The following VPS45 variants were observed in gnomAD, a reference collection of about 807,000 sequenced individuals.
The protein encoded by VPS45 is vacuolar protein sorting-associated protein 45.
A neutral mutation model predicts 75.9 loss-of-function variants in VPS45; 35 were observed. That is an observed-to-expected ratio of 0.46 (90% CI 0.35 to 0.61). VPS45 has a LOEUF of 0.61. Ranked by LOEUF, VPS45 falls within the 20% of genes least tolerant of loss-of-function variation. The pLI is 0.00. For synonymous variants in VPS45, 220 were observed against 238.2 expected, an observed-to-expected ratio of 0.92 and a Z score of 0.70; for missense variants, 559 against 685.9, an observed-to-expected ratio of 0.81 and a Z score of 2.07.
At chr1:150,132,097 G>A (rs925936918) in intron 14 of VPS45, among the ~76,000 whole-genome samples, 1 of 152,196 alleles carries the variant, frequency 6.6e-6, no homozygotes, top group Admixed American at 6.5e-5. Context: ...CATTAAGTCA[G>A]TGACAGACAC....
At chr1:150,131,067 G>C (rs1658806141) in intron 14 of VPS45, among the ~76,000 whole-genome samples, 1 of 152,170 alleles carries the variant, frequency 6.6e-6, no homozygotes, top group South Asian at 2.1e-4. Context: ...AGGCATCAGA[G>C]GGTGTAAGCG....
intron 10 of VPS45, among the ~76,000 whole-genome samples, chr1:150,088,476 T>G (rs1247611901): frequency 1.3e-4 from 2 of 15,816 alleles, no homozygotes; most frequent in Non-Finnish European, 3.7e-4. Context: ...TTCTTTTCCC[T>G]TTTTTCTTTT....
chr1:150,075,352 T>C (rs1269177101), intron 3 of VPS45, among the ~76,000 whole-genome samples: 1 of 152,116 alleles, frequency 6.6e-6, no homozygotes, highest in Non-Finnish European at 1.5e-5. Context: ...GTTTAACATG[T>C]TCCTTGAAGT....
chr1:150,102,422 G>A (rs781825383), intron 13 of VPS45, among the ~76,000 whole-genome samples: 1 of 152,014 alleles, frequency 6.6e-6, no homozygotes, highest in South Asian at 2.1e-4. Context: ...GTTGGTGCAT[G>A]CCTGTAATCT....
At chr1:150,102,105 G>A (rs1438413436) in intron 13 of VPS45, among the ~76,000 whole-genome samples, 1 of 151,628 alleles carries the variant, frequency 6.6e-6, no homozygotes. Context: ...AGGCATGGTG[G>A]CAGGTGCCTG....
chr1:150,091,852 C>A, intron 10 of VPS45, 85 bp from the exon 11 acceptor site: 2 of 1,244,240 alleles, frequency 1.6e-6, no homozygotes, highest in South Asian at 1.5e-5. Context: ...GTATCACTAC[C>A]ATTCAATAAT....
chr1:150,082,470 C>T (rs1168009931), intron 9 of VPS45, among the ~76,000 whole-genome samples: 2 of 150,930 alleles, frequency 1.3e-5, no homozygotes, highest in Non-Finnish European at 2.9e-5. Flanking sequence ...GCCAAGATCA[C>T]GCCACTACAC....
At chr1:150,120,785 C>T (rs1658189804) in intron 14 of VPS45, among the ~76,000 whole-genome samples, 2 of 151,710 alleles carry the variant, frequency 1.3e-5, no homozygotes, top group Middle Eastern at 3.4e-3. Flanking sequence ...ATTTAAACAC[C>T]ATTTAAAATA....
At chr1:150,077,014 C>A (rs960769296) in intron 5 of VPS45, 30 bp downstream of exon 5, 2 of 1,613,604 alleles carry the variant, frequency 1.2e-6, no homozygotes, top group Admixed American at 3.3e-5. Context: ...ATTTATCAGT[C>A]GAGAGTTAAT....
chr1:150,110,415 G>T, intron 13 of VPS45, 81 bp from the exon 14 acceptor site: 7 of 1,326,144 alleles, frequency 5.3e-6, no homozygotes, highest in East Asian at 5.0e-5. Context: ...AAAAGATTTA[G>T]AAATTAAAAC....
Position 150,101,268 on chromosome 1 carries a change from C to CAAAA in VPS45, c.1493+7631_1493+7634dup, listed in dbSNP as rs782740342. 1.1e-4 allele frequency among the ~76,000 whole-genome samples: 15 copies of CAAAA among 137,216 alleles called. 1 individual carries two copies. Among genetic ancestry groups the CAAAA allele is most frequent in the African/African-American group, 2.5e-4 (9 of 36,510 alleles). The allele number at this position is 137,216 out of a possible 152,430, so 90.0% of individuals were successfully genotyped here. On this transcript the variant is annotated intron_variant, in intron 13 of 14. Transcript: ENST00000644510. ...GGGCAACAAGAGCAAAACCCTGTCGCAAAAAAAAAAAAAAGTGGGCAAAGG... is the reference window on the plus strand; with the variant it reads ...GGGCAACAAGAGCAAAACCCTGTCGCAAAAAAAAAAAAAAAAAAGTGGGCAAAGG...
intron 10 of VPS45, among the ~76,000 whole-genome samples, chr1:150,084,285 G>A (rs782289712): frequency 1.3e-5 from 2 of 152,148 alleles, no homozygotes; most frequent in Admixed American, 6.6e-5. Context: ...TCCAGTATAG[G>A]ATCTTATGTA....
intron 14 of VPS45, among the ~76,000 whole-genome samples, chr1:150,126,086 A>T (rs1658502873): frequency 6.6e-6 from 1 of 152,194 alleles, no homozygotes; most frequent in African/African-American, 2.4e-5. Flanking sequence ...AGATAAACGT[A>T]TAGTGAGGCA....
intron 14 of VPS45, among the ~76,000 whole-genome samples, chr1:150,144,203 C>A (rs1416251532): frequency 5.9e-5 from 9 of 152,066 alleles, no homozygotes; most frequent in African/African-American, 2.2e-4. Flanking sequence ...CCCGCCTCAG[C>A]CTTCTAAAGT....
chr1:150,132,596 T>C (rs1474834070), intron 14 of VPS45, among the ~76,000 whole-genome samples: 1 of 152,196 alleles, frequency 6.6e-6, no homozygotes, highest in African/African-American at 2.4e-5. Context: ...TCAGCACATA[T>C]GTTCTTTCAC....
chr1:150,120,290 A>T (rs1553809318), intron 14 of VPS45, among the ~76,000 whole-genome samples: 1 of 152,230 alleles, frequency 6.6e-6, no homozygotes, highest in Non-Finnish European at 1.5e-5. Context: ...AATTTTAGCA[A>T]CCTTAATCAT....
intron 14 of VPS45, among the ~76,000 whole-genome samples, chr1:150,119,233 T>G (rs1325073725): frequency 1.3e-5 from 2 of 152,222 alleles, no homozygotes; most frequent in Non-Finnish European, 2.9e-5. Context: ...TTTACAACTC[T>G]TAATACATAT....
intron 14 of VPS45, among the ~76,000 whole-genome samples, chr1:150,140,446 T>G (rs1429854836): frequency 1.3e-5 from 2 of 149,064 alleles, no homozygotes; most frequent in Non-Finnish European, 3.0e-5. Flanking sequence ...GTGGAATGGT[T>G]TCTGTCCATT....
intron 13 of VPS45, chr1:150,099,217 G>A (rs1656829905): frequency 3.0e-6 from 1 of 334,082 alleles, no homozygotes; most frequent in African/African-American, 2.3e-5. Context: ...TCTCAATAAG[G>A]TGGGCAATGT....
Sources: allele counts gnomAD v4.1 joint callset (sites outside exome capture counted in the v4.1 genomes callset), GRCh38; gene constraint gnomAD v4.1.1; transcripts MANE v1.5; gene names NCBI Gene and HGNC (gene_info 2026-07-23, HGNC 2026-07-21).